The following IGFBP7 variants were observed in gnomAD, a reference collection of about 807,000 sequenced individuals.
IGFBP7 encodes the protein insulin-like growth factor-binding protein 7.
In IGFBP7, 31 loss-of-function variants were observed where a neutral mutation model predicts 29.4. The ratio of observed to expected loss-of-function variants is 1.05; its 90% confidence interval spans 0.79 to 1.42. IGFBP7 has a LOEUF of 1.42. Among genes scored for constraint, IGFBP7 ranks in the 40% most tolerant of loss-of-function variants. The probability of loss-of-function intolerance (pLI) is 0.00; values close to 1 mark genes in which losing one functional copy is unlikely to be tolerated. For synonymous variants in IGFBP7, 172 were observed against 174.9 expected (o/e 0.98, Z 0.13); for missense variants, 393 against 395.5 (o/e 0.99, Z 0.05).
chr4:57,106,019 G>T (rs1188005047), intron 1 of IGFBP7, among the ~76,000 whole-genome samples: 1 of 148,390 alleles, frequency 6.7e-6, no homozygotes, highest in Non-Finnish European at 1.5e-5. Context: ...CCATTCTCCT[G>T]CCTCAGCCTC....
intron 1 of IGFBP7, among the ~76,000 whole-genome samples, chr4:57,090,608 G>A (rs1367113292): frequency 6.6e-6 from 1 of 152,074 alleles, no homozygotes; most frequent in East Asian, 1.9e-4. Context: ...AGGCTGAGGC[G>A]GGCAGATCAC....
intron 1 of IGFBP7, among the ~76,000 whole-genome samples, chr4:57,046,078 G>T (rs1404054621): frequency 6.6e-6 from 1 of 152,206 alleles, no homozygotes; most frequent in East Asian, 1.9e-4. Flanking sequence ...GGTAAATGAA[G>T]ATACATGGTG....
rs565202226 is a variant in IGFBP7 at position 57,043,320 on chromosome 4, C to T, written c.476-2387G>A. 3.3e-5 allele frequency among the ~76,000 whole-genome samples: 5 copies of T among 152,298 alleles called. No homozygotes were observed. The East Asian group carries it at 5.8e-4, about 18-fold the overall frequency. On this transcript the variant is annotated intron_variant, in intron 1 of 4. Transcript: ENST00000295666. ...TCTTGAATGAATAAATTAATGATCC[C>T]TTCTGAATTTTAAATCTCTGCTGAC...
Position 57,069,227 on chromosome 4 carries a change from G to C in IGFBP7, c.476-28294C>G, listed in dbSNP as rs541064219. ...CCAGTAAAGAAACTCAACTTAGTGGGGAAGCTTGACTGCCCATTTGGGGTC... is the reference window on the plus strand; with the variant it reads ...CCAGTAAAGAAACTCAACTTAGTGGCGAAGCTTGACTGCCCATTTGGGGTC... On this transcript the variant is annotated intron_variant, in intron 1 of 4. Coordinates refer to ENST00000295666, the MANE Select transcript of IGFBP7 (RefSeq NM_001553.3). Among the ~76,000 whole-genome samples, 215 of 152,250 alleles carry C rather than the reference G, an allele frequency of 1.4e-3. 1 individual carries two copies. The highest frequency in any genetic ancestry group is 5.0e-3 in the African/African-American group (207 of 41,558).
chr4:57,062,779 A>G (rs1362621460), intron 1 of IGFBP7, among the ~76,000 whole-genome samples: 2 of 152,212 alleles, frequency 1.3e-5, no homozygotes, highest in Non-Finnish European at 2.9e-5. Flanking sequence ...TTAAAAGTCA[A>G]TGTTAACACT....
In IGFBP7 at chr4:57,110,130, GC is replaced by G. The variant is rs746801922; in HGVS notation, c.221del (p.Gly74AlafsTer15). 1 of 1,507,108 alleles carries G rather than the reference GC, an allele frequency of 6.6e-7. No homozygotes were observed. The highest frequency in any genetic ancestry group is 8.8e-7 in the Non-Finnish European group (1 of 1,134,820). The allele number at this position is 1,507,108 out of a possible 1,614,324, so 93.4% of individuals were successfully genotyped here. On this transcript the variant is annotated frameshift_variant, in exon 1 of 5. Coordinates refer to ENST00000295666, the MANE Select transcript of IGFBP7 (RefSeq NM_001553.3). LOFTEE classifies it high-confidence loss of function. ...GCGCGCAGTACCCCCTGCCGGCGCC[GC>G]CACCCCCGCACGGCTCGCCCTCGCC... ...ARGEGEPCGG[G>X]GAGRGYCAPG...
intron 1 of IGFBP7, among the ~76,000 whole-genome samples, chr4:57,074,007 C>A (rs1725130979): frequency 6.6e-6 from 1 of 152,200 alleles, no homozygotes; most frequent in Non-Finnish European, 1.5e-5. Context: ...CTTCCAAACT[C>A]TGCCCATCGT....
chr4:57,032,186 G>T, intron 4 of IGFBP7: 1 of 1,028,152 alleles, frequency 9.7e-7, no homozygotes, highest in East Asian at 3.4e-5. Context: ...GTTTGATTTT[G>T]ACTCTTACAT....
chr4:57,057,970 A>ACTT (rs1438715698), intron 1 of IGFBP7, among the ~76,000 whole-genome samples: 1 of 152,132 alleles, frequency 6.6e-6, no homozygotes, highest in Non-Finnish European at 1.5e-5. Context: ...GATACATATG[A>ACTT]CTTTGACCTG....
chr4:57,049,796 G>A (rs747588394), intron 1 of IGFBP7, among the ~76,000 whole-genome samples: 3 of 152,124 alleles, frequency 2.0e-5, no homozygotes, highest in Non-Finnish European at 4.4e-5. Context: ...ATTGGAAGGA[G>A]ACAGAGCTCA....
chr4:57,106,131 C>T (rs890126473), intron 1 of IGFBP7, among the ~76,000 whole-genome samples: 2 of 152,140 alleles, frequency 1.3e-5, no homozygotes, highest in African/African-American at 2.4e-5. Context: ...TGGTCTCGAT[C>T]TCCTGATCTC....
Position 57,074,299 on chromosome 4 carries a change from G to T in IGFBP7, c.476-33366C>A, listed in dbSNP as rs917966042. Among the ~76,000 whole-genome samples, 5 of 152,302 alleles carry T rather than the reference G, an allele frequency of 3.3e-5. No homozygotes were observed. The East Asian group carries it at 9.7e-4, about 29-fold the overall frequency. ...TTGTCTTGAACTCCTGGCCTCAAGT[G>T]ATCTGCTTGCCTCTGCCTCCCAAAG... On this transcript the variant is annotated intron_variant, in intron 1 of 4. Coordinates refer to ENST00000295666, the MANE Select transcript of IGFBP7 (RefSeq NM_001553.3).
chr4:57,088,181 G>A (rs1725542966), intron 1 of IGFBP7, among the ~76,000 whole-genome samples: 1 of 151,680 alleles, frequency 6.6e-6, no homozygotes, highest in African/African-American at 2.4e-5. Context: ...TCACTATGTT[G>A]CCCAGACTGG....
chr4:57,088,601 G>C (rs1725555597), intron 1 of IGFBP7, among the ~76,000 whole-genome samples: 1 of 152,152 alleles, frequency 6.6e-6, no homozygotes, highest in African/African-American at 2.4e-5. Context: ...AATGATAAAA[G>C]CAACGGCCAG....
chr4:57,050,035 G>C (rs1387976716), intron 1 of IGFBP7, among the ~76,000 whole-genome samples: 1 of 151,838 alleles, frequency 6.6e-6, no homozygotes, highest in African/African-American at 2.4e-5. Context: ...CATAAGCAGT[G>C]TTTCTTGGCT....
chr4:57,078,614 CT>C (rs1725286163), intron 1 of IGFBP7, among the ~76,000 whole-genome samples: 1 of 152,188 alleles, frequency 6.6e-6, no homozygotes, highest in Non-Finnish European at 1.5e-5. Context: ...TTCCTCCCCT[CT>C]CACAGAACAC....
At chr4:57,077,553 C>G (rs1156291893) in intron 1 of IGFBP7, among the ~76,000 whole-genome samples, 3 of 152,204 alleles carry the variant, frequency 2.0e-5, no homozygotes, top group Non-Finnish European at 4.4e-5. Context: ...GCTAGGGTTA[C>G]AGTCGTGAGC....
intron 1 of IGFBP7, among the ~76,000 whole-genome samples, chr4:57,070,600 T>C (rs1050798715): frequency 1.1e-4 from 16 of 152,184 alleles, no homozygotes; most frequent in African/African-American, 3.4e-4. Context: ...GTTAAATGAG[T>C]TGGATGCCCC....
intron 1 of IGFBP7, among the ~76,000 whole-genome samples, chr4:57,044,968 C>T (rs1249479590): frequency 6.6e-6 from 1 of 152,210 alleles, no homozygotes; most frequent in East Asian, 1.9e-4. Flanking sequence ...CTTCAGCCTC[C>T]CAAAGTACTG....
Sources: allele counts gnomAD v4.1 joint callset (sites outside exome capture counted in the v4.1 genomes callset), GRCh38; gene constraint gnomAD v4.1.1; transcripts MANE v1.5; gene names NCBI Gene and HGNC (gene_info 2026-07-23, HGNC 2026-07-21).